The following DISC1 variants were observed in gnomAD, a reference collection of about 807,000 sequenced individuals.
DISC1 encodes disrupted in schizophrenia 1 protein.
DISC1 carries 57 observed loss-of-function variants against 84.5 expected under a neutral mutation model. That is an observed-to-expected ratio of 0.67 (90% CI 0.55 to 0.84). DISC1 has a LOEUF of 0.84. DISC1 is among the 40% of genes least tolerant of loss of function. DISC1 has a pLI of 0.00. For missense variants in DISC1, 1,000 were observed against 1,057.8 expected (o/e 0.95, Z 0.76); for synonymous variants, 411 against 415.2 (o/e 0.99, Z 0.12).
intron 1 of DISC1, among the ~76,000 whole-genome samples, chr1:231,659,102 T>A (rs2061372759): frequency 6.6e-6 from 1 of 152,162 alleles, no homozygotes; most frequent in South Asian, 2.1e-4. Flanking sequence ...TGTGAATCTG[T>A]CTGTTCCTGG....
chr1:231,946,715 G>A (rs147689385), intron 9 of DISC1, among the ~76,000 whole-genome samples: 320 of 152,280 alleles, frequency 2.1e-3, no homozygotes, highest in African/African-American at 7.3e-3. Context: ...AAAAAACTCC[G>A]TAGTCTGAGC....
chr1:231,889,236 C>T (rs1342292109), intron 9 of DISC1, among the ~76,000 whole-genome samples: 1 of 152,162 alleles, frequency 6.6e-6, no homozygotes, highest in African/African-American at 2.4e-5. Context: ...GTCCCCATAT[C>T]CAGATGGAAT....
In DISC1 at chr1:232,002,638, C is replaced by CACAG. The variant is rs1337275969; in HGVS notation, c.2043-6146_2043-6145insCAGA. On this transcript the variant is annotated intron_variant, in intron 10 of 12. Transcript: ENST00000439617. ...ACACACACACACACACACACACACA[C>CACAG]AAAAGCCAATCCCTTAAGGTATCTA... Among the ~76,000 whole-genome samples the CACAG allele has an allele frequency of 6.5e-4, 81 of 124,618 alleles. 2 individuals are homozygous for CACAG. Among genetic ancestry groups the CACAG allele is most frequent in the Admixed American group, 5.4e-3 (72 of 13,390 alleles). The allele number at this position is 124,618 out of a possible 152,430, so 81.8% of individuals were successfully genotyped here.
At chr1:231,786,387 T>C (rs2077863868) in intron 6 of DISC1, among the ~76,000 whole-genome samples, 1 of 152,208 alleles carries the variant, frequency 6.6e-6, no homozygotes, top group African/African-American at 2.4e-5. Flanking sequence ...GTTAATATTC[T>C]TTTTCTGCAG....
intron 9 of DISC1, among the ~76,000 whole-genome samples, chr1:231,844,766 A>T (rs1048770561): frequency 4.6e-5 from 7 of 152,046 alleles, no homozygotes; most frequent in Non-Finnish European, 1.0e-4. Flanking sequence ...TCTACTAAAA[A>T]TACAAAAAAA....
chr1:231,870,836 A>G (rs1415478559), intron 9 of DISC1, among the ~76,000 whole-genome samples: 1 of 152,250 alleles, frequency 6.6e-6, no homozygotes, highest in East Asian at 1.9e-4. Flanking sequence ...GCCTGGTGAA[A>G]TGACTTAATT....
chr1:231,837,427 A>G, intron 9 of DISC1, among the ~76,000 whole-genome samples: 1 of 152,190 alleles, frequency 6.6e-6, no homozygotes, highest in Middle Eastern at 3.2e-3. Context: ...CCTTTACATG[A>G]TATATGGGCA....
At chr1:231,936,866 A>C (rs926225988) in intron 9 of DISC1, among the ~76,000 whole-genome samples, 2 of 152,242 alleles carry the variant, frequency 1.3e-5, no homozygotes, top group Non-Finnish European at 2.9e-5. Flanking sequence ...TGAGATTCCA[A>C]GGTAGCAACA....
chr1:231,927,032 T>C lies in DISC1; in HGVS notation c.1982-31796T>C, dbSNP rs565170032. 7.9e-4 allele frequency among the ~76,000 whole-genome samples: 121 copies of C among 152,236 alleles called. 2 individuals carry two copies. In the South Asian group the frequency reaches 0.024, roughly 30 times the overall value. On this transcript the variant is annotated intron_variant, in intron 9 of 12. Coordinates refer to ENST00000439617, the MANE Select transcript of DISC1 (RefSeq NM_018662.3). ...ACCGTGGCTTTCACTGTGGTGAGAG[T>C]TTTGGCTGCAGTGCTTTTCTGTAAC... is the stretch of plus-strand genomic sequence containing the variant.
chr1:232,032,248 G>T (rs201372034), intron 12 of DISC1, among the ~76,000 whole-genome samples: 38 of 152,154 alleles, frequency 2.5e-4, no homozygotes, highest in Non-Finnish European at 5.3e-4. Context: ...ATGAACCGAA[G>T]ACCTAAATTT....
intron 9 of DISC1, among the ~76,000 whole-genome samples, chr1:231,898,170 T>C (rs1413142994): frequency 6.6e-6 from 1 of 152,352 alleles, no homozygotes; most frequent in East Asian, 1.9e-4. Context: ...TTTATAACCT[T>C]GACCTCCAGC....
chr1:231,770,251 A>G (rs921048919), intron 5 of DISC1, among the ~76,000 whole-genome samples: 3 of 150,442 alleles, frequency 2.0e-5, no homozygotes, highest in Non-Finnish European at 3.0e-5. Flanking sequence ...TATTTTATGG[A>G]TTATTTGGAT....
At chr1:231,722,835 C>T (rs556902624) in intron 3 of DISC1, 11 of 1,427,096 alleles carry the variant, frequency 7.7e-6, no homozygotes, top group Admixed American at 5.7e-5. Flanking sequence ...CCCACTGTAC[C>T]GTTTCTCCCA....
At chr1:231,813,461 A>G (rs968605276) in intron 8 of DISC1, 11 of 152,252 alleles carry the variant, frequency 7.2e-5, no homozygotes, top group African/African-American at 2.4e-4. Context: ...TCCCCAGAGC[A>G]TGGGGTCCCT....
At chr1:232,023,578 A>G (rs1048264838) in intron 11 of DISC1, among the ~76,000 whole-genome samples, 2 of 152,212 alleles carry the variant, frequency 1.3e-5, no homozygotes, top group African/African-American at 4.8e-5. Flanking sequence ...TTATGCCATT[A>G]CTATCAATCT....
At chr1:231,717,736 A>G (rs2068960724) in intron 3 of DISC1, among the ~76,000 whole-genome samples, 1 of 152,192 alleles carries the variant, frequency 6.6e-6, no homozygotes, top group Non-Finnish European at 1.5e-5. Flanking sequence ...GTATGAACGC[A>G]TCAGACAATT....
intron 11 of DISC1, among the ~76,000 whole-genome samples, chr1:232,016,179 T>G (rs1326508247): frequency 6.6e-6 from 1 of 152,212 alleles, no homozygotes; most frequent in African/African-American, 2.4e-5. Flanking sequence ...TCTTAATAGT[T>G]GCACAGTTTA....
At chr1:232,029,430 T>G (rs1358648527) in intron 12 of DISC1, among the ~76,000 whole-genome samples, 1 of 152,242 alleles carries the variant, frequency 6.6e-6, no homozygotes, top group Non-Finnish European at 1.5e-5. Context: ...TTGTTTCAAA[T>G]TAGAGCTTAT....
chr1:232,032,155 T>A (rs980207375), intron 12 of DISC1, among the ~76,000 whole-genome samples: 1 of 152,200 alleles, frequency 6.6e-6, no homozygotes, highest in Non-Finnish European at 1.5e-5. Flanking sequence ...GGTTTTGGAT[T>A]CTGGAGCATT....
Sources: allele counts gnomAD v4.1 joint callset (sites outside exome capture counted in the v4.1 genomes callset), GRCh38; gene constraint gnomAD v4.1.1; transcripts MANE v1.5; gene names NCBI Gene and HGNC (gene_info 2026-07-23, HGNC 2026-07-21).